EDAR: variants seen among roughly 807,000 people sequenced by gnomAD.
EDAR encodes the protein ectodysplasin A receptor, also known as tumor necrosis factor receptor superfamily member EDAR.
Under a neutral mutation model 51.3 loss-of-function variants are expected in EDAR, and 38 were observed. That is an observed-to-expected ratio of 0.74 (90% CI 0.57 to 0.97). The LOEUF is 0.97. Ranked by LOEUF, EDAR falls within the 50% of genes least tolerant of loss-of-function variation. The probability of loss-of-function intolerance (pLI) is 0.00; values close to 1 mark genes in which losing one functional copy is unlikely to be tolerated. For synonymous variants in EDAR, 227 were observed against 242.1 expected (o/e 0.94, Z 0.58); for missense variants, 528 against 595.0 (o/e 0.89, Z 1.17).
intron 1 of EDAR, among the ~76,000 whole-genome samples, chr2:108,933,097 C>A (rs895302708): frequency 1.3e-5 from 2 of 152,194 alleles, no homozygotes; most frequent in Non-Finnish European, 2.9e-5. Flanking sequence ...TCCTGGAACA[C>A]CAAGCAGGGC....
chr2:108,944,507 A>G (rs1367795156), intron 1 of EDAR, among the ~76,000 whole-genome samples: 1 of 152,182 alleles, frequency 6.6e-6, no homozygotes, highest in Non-Finnish European at 1.5e-5. Context: ...CTCTAACCTC[A>G]TGGGGCTGTT....
chr2:108,958,453 G>A (rs1697966813), intron 1 of EDAR, among the ~76,000 whole-genome samples: 1 of 152,110 alleles, frequency 6.6e-6, no homozygotes, highest in Non-Finnish European at 1.5e-5. Flanking sequence ...CCCCAGGGCA[G>A]TGCCTTCCAG....
intron 1 of EDAR, chr2:108,940,117 A>G (rs950534332): frequency 2.0e-5 from 3 of 152,264 alleles, no homozygotes; most frequent in African/African-American, 4.8e-5. Flanking sequence ...AATATGAACC[A>G]TTTATTGGCA....
intron 1 of EDAR, among the ~76,000 whole-genome samples, chr2:108,963,434 G>A (rs1698091688): frequency 6.6e-6 from 1 of 152,118 alleles, no homozygotes; most frequent in Non-Finnish European, 1.5e-5. Flanking sequence ...TAAAAAAATT[G>A]AGCTTTCTAT....
At chr2:108,939,259 C>T (rs945674652) in intron 1 of EDAR, among the ~76,000 whole-genome samples, 1 of 152,052 alleles carries the variant, frequency 6.6e-6, no homozygotes, top group Non-Finnish European at 1.5e-5. Context: ...CTCACTGCAA[C>T]CTCCGCAACC....
At chr2:108,932,422 G>A (rs1036996055) in intron 1 of EDAR, among the ~76,000 whole-genome samples, 5 of 151,368 alleles carry the variant, frequency 3.3e-5, no homozygotes, top group South Asian at 4.2e-4. Flanking sequence ...CCAGCTACTC[G>A]GGAGGCTGAG....
At chr2:108,925,061 A>G (rs1304200839) in intron 4 of EDAR, among the ~76,000 whole-genome samples, 1 of 151,824 alleles carries the variant, frequency 6.6e-6, no homozygotes, top group Non-Finnish European at 1.5e-5. Flanking sequence ...ACCTCCACGC[A>G]TTCTCTCTCC....
rs146867876 is a variant in EDAR at position 108,965,204 on chromosome 2, G to A, written c.-19+23756C>T. On this transcript the variant is annotated intron_variant, in intron 1 of 11. Coordinates refer to ENST00000258443, the MANE Select transcript of EDAR (RefSeq NM_022336.4). ...TTTAATGACAACAAATGGGCCAGGC[G>A]CGGTGGCTCACGACTGTAATCCCAG... Among the ~76,000 whole-genome samples the A allele has an allele frequency of 1.5e-4, 23 of 152,248 alleles. 2 individuals are homozygous for A. The East Asian group carries it at 4.4e-3, about 29-fold the overall frequency.
At chr2:108,940,680 G>A (rs1323278383) in intron 1 of EDAR, among the ~76,000 whole-genome samples, 1 of 152,250 alleles carries the variant, frequency 6.6e-6, no homozygotes, top group East Asian at 1.9e-4. Context: ...CAAAGACCAA[G>A]CGCAATTACA....
At chr2:108,933,813 G>T (rs1021190949) in intron 1 of EDAR, among the ~76,000 whole-genome samples, 11 of 151,996 alleles carry the variant, frequency 7.2e-5, no homozygotes, top group East Asian at 3.9e-4. Flanking sequence ...CCCGTCAGGT[G>T]GGGGAGGGTT....
intron 1 of EDAR, among the ~76,000 whole-genome samples, chr2:108,945,202 G>C (rs188532660): frequency 2.4e-4 from 36 of 152,224 alleles, no homozygotes; most frequent in African/African-American, 7.9e-4. Context: ...GGGTGGGGGC[G>C]AGCTCCCCGT....
intron 1 of EDAR, among the ~76,000 whole-genome samples, chr2:108,971,031 G>A (rs1341015066): frequency 6.6e-6 from 1 of 152,138 alleles, no homozygotes; most frequent in Non-Finnish European, 1.5e-5. Flanking sequence ...AGGGGACAGG[G>A]GATGATGCTG....
intron 8 of EDAR, 118 bp from the exon 9 acceptor site, chr2:108,910,650 C>G (rs747577727): frequency 2.1e-6 from 3 of 1,415,478 alleles, no homozygotes; most frequent in Non-Finnish European, 3.0e-6. Flanking sequence ...GTGGCACCAC[C>G]CCACGGTAAG....
intron 4 of EDAR, among the ~76,000 whole-genome samples, chr2:108,924,688 C>T (rs939059308): frequency 2.6e-5 from 4 of 152,180 alleles, no homozygotes; most frequent in Admixed American, 2.6e-4. Context: ...TGCCTGCCCT[C>T]CCTCAAAGCC....
intron 1 of EDAR, among the ~76,000 whole-genome samples, chr2:108,950,120 T>C (rs1026482598): frequency 4.6e-5 from 7 of 152,012 alleles, no homozygotes; most frequent in African/African-American, 1.5e-4. Flanking sequence ...GCAGCACACA[T>C]AGGGACATGT....
At chr2:108,919,110 G>A (rs990191127) in intron 5 of EDAR, among the ~76,000 whole-genome samples, 2 of 152,192 alleles carry the variant, frequency 1.3e-5, no homozygotes, top group Non-Finnish European at 2.9e-5. Context: ...TCTGAGCCAG[G>A]AGCAACTGAG....
intron 4 of EDAR, 81 bp from the exon 5 acceptor site, chr2:108,923,534 G>A (rs1697190821): frequency 7.5e-7 from 1 of 1,338,624 alleles, no homozygotes; most frequent in Non-Finnish European, 1.1e-6. Context: ...GAGCACGGTG[G>A]CCAGTCTGCA....
chr2:108,923,686 T>G (rs1248125758), intron 4 of EDAR, among the ~76,000 whole-genome samples: 1 of 152,260 alleles, frequency 6.6e-6, no homozygotes, highest in Non-Finnish European at 1.5e-5. Context: ...TTTCTTTTGA[T>G]CTCAGCCCCT....
intron 1 of EDAR, among the ~76,000 whole-genome samples, chr2:108,961,717 G>C (rs260686): frequency 0.25 from 38,271 of 152,058 alleles, 8,965 homozygotes; most frequent in East Asian, 0.94. Context: ...TTGGGTGGGT[G>C]CGGAAAAGCC....
Sources: allele counts gnomAD v4.1 joint callset (sites outside exome capture counted in the v4.1 genomes callset), GRCh38; gene constraint gnomAD v4.1.1; transcripts MANE v1.5; gene names NCBI Gene and HGNC (gene_info 2026-07-23, HGNC 2026-07-21).